The following GBP7 variants were observed in gnomAD, a reference collection of about 807,000 sequenced individuals.
The protein encoded by GBP7 is guanylate binding protein 7, also known as guanylate-binding protein 7.
In GBP7, 43 loss-of-function variants were observed where a neutral mutation model predicts 61.3. That is an observed-to-expected ratio of 0.70 (90% CI 0.55 to 0.91). The LOEUF is 0.91. Among genes scored for constraint, GBP7 ranks in the 40% least tolerant of loss-of-function variants. The pLI, the probability that GBP7 is intolerant of heterozygous loss-of-function variation, is 0.00. For missense variants in GBP7, 717 were observed against 740.5 expected (o/e 0.97, Z 0.37); for synonymous variants, 267 against 271.0 (o/e 0.99, Z 0.14).
intron 9 of GBP7, among the ~76,000 whole-genome samples, chr1:89,136,073 T>A (rs1366746129): frequency 1.3e-5 from 2 of 152,162 alleles, no homozygotes; most frequent in African/African-American, 4.8e-5. Context: ...AGATGGGCAT[T>A]ACATAATGAT....
rs554486286 is a variant in GBP7, at chr1:89,150,429, C to T, written c.772G>A (p.Asp258Asn). ...HVEEVREDQL[D>N]SNFQMQSENF... is the part of the protein sequence containing the mutation. ...TCTGATTGCATCTGGAAATTACTAT[C>T]CAGTTGGTCTTCTCGTACTTCTTCA... Residue 258 changes from aspartate (D) to asparagine (N), a missense_variant, in exon 6 of 11, where the codon GAT (aspartate) becomes AAT (asparagine). Around this residue, in one of 3 missense-constraint regions of GBP7, gnomAD observed 387 missense variants for 385.2 expected, o/e 1.00. Transcript: ENST00000294671. The T allele has an allele frequency of 4.5e-5, 73 of 1,614,052 alleles. No individual in the cohort carries two copies. The South Asian group carries it at 7.7e-4, about 17-fold the overall frequency.
intron 9 of GBP7, among the ~76,000 whole-genome samples, chr1:89,141,232 A>G (rs1681939606): frequency 6.6e-6 from 1 of 151,950 alleles, no homozygotes; most frequent in African/African-American, 2.4e-5. Flanking sequence ...AGAAAGTAAC[A>G]GTCTTGTCTG....
chr1:89,152,544 C>T (rs1682228218), intron 4 of GBP7, 80 bp from the exon 5 acceptor site: 2 of 1,504,432 alleles, frequency 1.3e-6, no homozygotes, highest in Non-Finnish European at 1.8e-6. Context: ...TATACACATT[C>T]CCTTTTGCAC....
chr1:89,132,481 G>A, intron 10 of GBP7, 78 bp from the exon 11 acceptor site: 1 of 1,027,108 alleles, frequency 9.7e-7, no homozygotes, highest in Non-Finnish European at 1.4e-6. Context: ...AATTTCATTA[G>A]TTAAACATGT....
chr1:89,149,494 A>G lies in GBP7; in HGVS notation c.950T>C (p.Val317Ala), dbSNP rs759654598. The G allele has an allele frequency of 3.7e-6, 6 of 1,614,074 alleles. No homozygotes were observed. The East Asian group carries it at 1.3e-4, about 36-fold the overall frequency. Residue 317 changes from valine (V) to alanine (A), a missense_variant, in exon 7 of 11, where the codon GTT (valine) becomes GCT (alanine). Val to Ala is a moderately conservative substitution (Grantham distance 64). This residue lies in a region of GBP7 where 387 missense variants were observed against 385.2 expected (regional missense o/e 1.00). Transcript: ENST00000294671. ...TGCTGAGTTCTCACACTGGGCCAGA[A>G]CTGCCATTGCATTCTCCAGACAAGG... is the stretch of plus-strand genomic sequence containing the variant. Reference protein sequence around the residue: ...ATPCLENAMAVLAQCENSAAV... With the variant: ...ATPCLENAMAALAQCENSAAV...
At chr1:89,172,312 T>G (rs1393908228) in intron 1 of GBP7, among the ~76,000 whole-genome samples, 1 of 152,232 alleles carries the variant, frequency 6.6e-6, no homozygotes, top group Non-Finnish European at 1.5e-5. Flanking sequence ...TTCACCATTT[T>G]CCCACTAATG....
intron 3 of GBP7, among the ~76,000 whole-genome samples, chr1:89,154,201 C>T (rs113748606): frequency 6.6e-6 from 1 of 152,112 alleles, no homozygotes; most frequent in African/African-American, 2.4e-5. Context: ...AGTTTATGCC[C>T]ATTACAATCT....
chr1:89,142,735 C>T (rs1003787309), intron 8 of GBP7, among the ~76,000 whole-genome samples: 1 of 151,986 alleles, frequency 6.6e-6, no homozygotes, highest in African/African-American at 2.4e-5. Context: ...GGGCACATCA[C>T]AGAAGGAAGG....
intron 3 of GBP7, among the ~76,000 whole-genome samples, chr1:89,158,158 C>T (rs1229327477): frequency 1.3e-5 from 2 of 152,160 alleles, no homozygotes; most frequent in African/African-American, 4.8e-5. Flanking sequence ...ACAAATTCAA[C>T]AGCCCTTCAT....
At chr1:89,154,208 A>G (rs545279215) in intron 3 of GBP7, among the ~76,000 whole-genome samples, 3 of 152,298 alleles carry the variant, frequency 2.0e-5, no homozygotes, top group African/African-American at 7.2e-5. Flanking sequence ...GCCCATTACA[A>G]TCTATTTCAA....
chr1:89,138,761 T>C (rs142472286), intron 9 of GBP7, among the ~76,000 whole-genome samples: 76 of 152,244 alleles, frequency 5.0e-4, no homozygotes, highest in African/African-American at 1.7e-3. Context: ...ATTCTGGACA[T>C]AGGCACTGGC....
At chr1:89,156,699 T>A (rs1020062193) in intron 3 of GBP7, among the ~76,000 whole-genome samples, 3 of 152,150 alleles carry the variant, frequency 2.0e-5, no homozygotes, top group Admixed American at 1.3e-4. Context: ...GCACCCAGAT[T>A]CATAAAGCAA....
At chr1:89,135,906 G>A (rs1288246847) in intron 9 of GBP7, among the ~76,000 whole-genome samples, 2 of 152,104 alleles carry the variant, frequency 1.3e-5, no homozygotes, top group Non-Finnish European at 2.9e-5. Context: ...TGTCTTCGAT[G>A]TTCAAGAGAC....
intron 3 of GBP7, among the ~76,000 whole-genome samples, chr1:89,154,275 A>T (rs1484342542): frequency 2.6e-5 from 4 of 152,182 alleles, no homozygotes; most frequent in Non-Finnish European, 5.9e-5. Context: ...TTAGTACTGT[A>T]TGTTTAAATT....
At chr1:89,134,348 G>C (rs755656178) in intron 9 of GBP7, among the ~76,000 whole-genome samples, 26 of 152,204 alleles carry the variant, frequency 1.7e-4, no homozygotes, top group Admixed American at 2.6e-4. Context: ...AGAACCTGCA[G>C]CACTACTGCC....
chr1:89,137,405 A>G (rs540715453), intron 9 of GBP7, among the ~76,000 whole-genome samples: 1 of 152,292 alleles, frequency 6.6e-6, no homozygotes, highest in East Asian at 1.9e-4. Context: ...AAAAATCTTC[A>G]ACAAAATACT....
intron 2 of GBP7, among the ~76,000 whole-genome samples, chr1:89,169,831 T>C (rs1289585349): frequency 6.6e-6 from 1 of 152,236 alleles, no homozygotes; most frequent in Non-Finnish European, 1.5e-5. Context: ...CTAAGAATGA[T>C]AGAACAATAC....
intron 8 of GBP7, among the ~76,000 whole-genome samples, chr1:89,144,590 T>C (rs1218178094): frequency 6.6e-6 from 1 of 152,196 alleles, no homozygotes; most frequent in Non-Finnish European, 1.5e-5. Context: ...CTAATTTTGT[T>C]TTACAAGTTT....
intron 8 of GBP7, among the ~76,000 whole-genome samples, chr1:89,144,706 G>A (rs1409144203): frequency 6.6e-6 from 1 of 152,104 alleles, no homozygotes; most frequent in Non-Finnish European, 1.5e-5. Flanking sequence ...TAATATATCT[G>A]CACCTCATGC....
Sources: allele counts gnomAD v4.1 joint callset (sites outside exome capture counted in the v4.1 genomes callset), GRCh38; gene constraint gnomAD v4.1.1; regional missense constraint gnomAD v4.1.1; transcripts MANE v1.5; gene names NCBI Gene and HGNC (gene_info 2026-07-23, HGNC 2026-07-21).